The following ARID3A variants were observed in gnomAD, a reference collection of about 807,000 sequenced individuals.
ARID3A encodes AT-rich interaction domain 3A.
A neutral mutation model predicts 52.7 loss-of-function variants in ARID3A; 11 were observed. The ratio of observed to expected loss-of-function variants is 0.21; its 90% CI spans 0.13 to 0.35. The LOEUF is 0.35. Ranked by LOEUF, ARID3A falls within the 10% of genes least tolerant of loss-of-function variation. The probability of loss-of-function intolerance (pLI) is 1.00; values close to 1 mark genes in which losing one functional copy is unlikely to be tolerated. For missense variants in ARID3A, 721 were observed against 838.5 expected, an observed-to-expected ratio of 0.86 and a Z score of 1.73; for synonymous variants, 404 against 359.4, an observed-to-expected ratio of 1.12 and a Z score of -1.40.
At chr19:970,715 T>G (rs2038261233) in intron 8 of ARID3A, among the ~76,000 whole-genome samples, 1 of 151,936 alleles carries the variant, frequency 6.6e-6, no homozygotes, top group Admixed American at 6.6e-5. Flanking sequence ...CTTCGTGATC[T>G]GCTGGTCTTG....
chr19:946,301 A>G (rs1219518420), intron 3 of ARID3A, among the ~76,000 whole-genome samples: 2 of 151,746 alleles, frequency 1.3e-5, no homozygotes, highest in African/African-American at 4.8e-5. Context: ...TTGCTTTGTC[A>G]CCCAGGCTGG....
chr19:966,912 C>T, intron 7 of ARID3A, 44 bp downstream of exon 7: 1 of 1,555,320 alleles, frequency 6.4e-7, no homozygotes, highest in Non-Finnish European at 8.7e-7. Flanking sequence ...CTGCGTGTGT[C>T]ACACAGTGAG....
chr19:928,911 A>G (rs534540969), intron 1 of ARID3A: 8 of 152,294 alleles, frequency 5.3e-5, no homozygotes, highest in Non-Finnish European at 1.0e-4. Context: ...GGACTCAGGC[A>G]GCGACTGGAA....
rs766905454 is a variant in ARID3A at position 971,934 on chromosome 19, GGC to G, written c.1653_1654del (p.Gly552ArgfsTer38). ...PTPTSAPNKGGGGGGGSSSNA... is the reference protein window; with the variant it reads ...PTPTSAPNKGXGGGGGSSSNA... ...GCCAACCTCTGCTCCCAACAAAGGA[GGC>G]GGCGGCGGCGGCGGCAGCAGCAGCA... On this transcript the variant is annotated frameshift_variant, in exon 9 of 9. Transcript: ENST00000263620. LOFTEE classifies it low-confidence loss of function (END_TRUNC). 282 of 1,396,338 alleles carry G rather than the reference GGC, an allele frequency of 2.0e-4. 19 individuals are homozygous for G. The highest frequency in any genetic ancestry group is 1.1e-3 in the Admixed American group (60 of 55,280). The allele number at this position is 1,396,338 out of a possible 1,614,324, so 86.5% of individuals were successfully genotyped here.
rs371995908 is a variant in ARID3A, at chr19:948,118, G to A, written c.694-11974G>A. Among the ~76,000 whole-genome samples, 573 of 152,080 alleles carry A rather than the reference G, an allele frequency of 3.8e-3. 6 individuals carry two copies. The highest frequency in any genetic ancestry group is 0.013 in the African/African-American group (557 of 41,472). On this transcript the variant is annotated intron_variant, in intron 3 of 8. Coordinates refer to ENST00000263620, the MANE Select transcript of ARID3A (RefSeq NM_005224.3). ...CCCGACCCATCAGTCCAGGTCGGTC[G>A]GGGCCGCCTGTCCCCTGGTGTTTCC...
intron 3 of ARID3A, among the ~76,000 whole-genome samples, chr19:951,388 C>T (rs2037800472): frequency 2.0e-5 from 3 of 151,938 alleles, no homozygotes; most frequent in African/African-American, 7.2e-5. Flanking sequence ...GAAACCCCAT[C>T]TCTACTAAAA....
chr19:946,478 T>A (rs2037684019), intron 3 of ARID3A, among the ~76,000 whole-genome samples: 1 of 145,600 alleles, frequency 6.9e-6, no homozygotes, highest in African/African-American at 2.6e-5. Flanking sequence ...AGTCTCACTG[T>A]CTCCCAGGCT....
chr19:929,674 C>T lies in ARID3A; in HGVS notation c.146C>T (p.Pro49Leu). 6.4e-7 allele frequency: 1 copy of T among 1,554,844 alleles called. No homozygotes were observed. The highest frequency in any genetic ancestry group is 8.6e-7 in the Non-Finnish European group (1 of 1,158,500). Residue 49 changes from proline (P) to leucine (L), a missense_variant, in exon 2 of 9, where the codon CCC becomes CTC. Pro to Leu is a moderately conservative substitution (Grantham distance 98). Around this residue, in one of 5 missense-constraint regions of ARID3A, gnomAD observed 349 missense variants for 297.3 expected, o/e 1.17. Coordinates refer to ENST00000263620, the MANE Select transcript of ARID3A (RefSeq NM_005224.3). This position sits in a 1 kb window ranked among gnomAD's most constrained non-coding sequence, Gnocchi z 6.2. Reference sequence around the variant, plus strand: ...GCTGCCCCCGACGAGGACAGAGAGCCCGAGAGTGCCCGGATGCAGCGGGCT... The same window carrying T: ...GCTGCCCCCGACGAGGACAGAGAGCTCGAGAGTGCCCGGATGCAGCGGGCT... The part of the protein sequence containing the change: ...ARAAPDEDRE[P>L]ESARMQRAQM...
At chr19:955,633 CA>C (rs1017271422) in intron 3 of ARID3A, among the ~76,000 whole-genome samples, 3 of 152,160 alleles carry the variant, frequency 2.0e-5, no homozygotes, top group African/African-American at 7.2e-5. Flanking sequence ...TGTGTTTTCT[CA>C]CACACTCTAT....
Position 973,104 on chromosome 19 carries a change from A to ATCTTTTTTTTTT in ARID3A, c.*1040_*1041insCTTTTTTTTTTT, listed in dbSNP as rs775338115. On this transcript the variant is annotated 3_prime_UTR_variant, in exon 9 of 9. Transcript: ENST00000263620. The stretch of plus-strand genomic sequence containing the variant: ...GGGCTCTCGAGTCAGGGGCCTGGAA[A>ATCTTTTTTTTTT]TTTTTTTTTTTTTTTTTTTTTGAGA... 0.033 allele frequency: 1,779 copies of ATCTTTTTTTTTT among 53,628 alleles called. 198 individuals carry two copies. The highest frequency in any genetic ancestry group is 0.072 in the African/African-American group (1,019 of 14,228). 3.3% of individuals were successfully genotyped at this position (53,628 alleles called of 1,614,324 possible).
At chr19:948,103 C>T (rs1483361858) in intron 3 of ARID3A, among the ~76,000 whole-genome samples, 1 of 152,078 alleles carries the variant, frequency 6.6e-6, no homozygotes, top group African/African-American at 2.4e-5. Context: ...CCCGACCCAT[C>T]AGTCCAGGTC....
Position 972,229 on chromosome 19 carries a change from A to C in ARID3A, c.*164A>C. 4.6e-6 allele frequency: 1 copy of C among 215,690 alleles called. No homozygotes were observed. Among genetic ancestry groups the C allele is most frequent in the Non-Finnish European group, 9.2e-6 (1 of 108,820 alleles). The allele number at this position is 215,690 out of a possible 1,614,324, so 13.4% of individuals were successfully genotyped here. A position where few individuals can be genotyped will look rare whatever the true frequency, so the allele number is the denominator to read the frequency against. ...CAAAAAGAAAAGAAAAAAGATATAT[A>C]TATATATATATATATATACACGTAT... On this transcript the variant is annotated 3_prime_UTR_variant, in exon 9 of 9. Transcript: ENST00000263620.
chr19:956,678 G>C (rs1406438940), intron 3 of ARID3A: 1 of 152,536 alleles, frequency 6.6e-6, no homozygotes, highest in Non-Finnish European at 1.5e-5. Context: ...CGGAGACAAA[G>C]ACCAGGCAGC....
Position 941,433 on chromosome 19 carries a change from C to T in ARID3A, c.693+8691C>T, listed in dbSNP as rs1017405331. On this transcript the variant is annotated intron_variant, in intron 3 of 8. Coordinates refer to ENST00000263620, the MANE Select transcript of ARID3A (RefSeq NM_005224.3). The surrounding 1 kb of genome is among the most constrained non-coding windows in gnomAD (Gnocchi z 6.9). ...TGTGCACCCAGCCAGCGGCACCTCA[C>T]GCGCCCGCCTGCGTGTCCCCAGCCA... Among the ~76,000 whole-genome samples, 1 of 152,134 alleles carries T rather than the reference C, an allele frequency of 6.6e-6. No individual in the cohort carries two copies. The highest frequency in any genetic ancestry group is 2.4e-5 in the African/African-American group (1 of 41,446).
At chr19:949,933 A>T (rs1369576127) in intron 3 of ARID3A, among the ~76,000 whole-genome samples, 2 of 152,132 alleles carry the variant, frequency 1.3e-5, no homozygotes, top group African/African-American at 4.8e-5. Flanking sequence ...GGCCTCCCAA[A>T]GTGCTGGGAT....
In ARID3A at chr19:941,779, C is replaced by CTG. The variant is rs34643064; in HGVS notation, c.693+9065_693+9066dup. 0.12 allele frequency among the ~76,000 whole-genome samples: 16,963 copies of CTG among 146,138 alleles called. 1,075 individuals carry two copies. The highest frequency in any genetic ancestry group is 0.18 in the East Asian group (896 of 4,888). On this transcript the variant is annotated intron_variant, in intron 3 of 8. Coordinates refer to ENST00000263620, the MANE Select transcript of ARID3A (RefSeq NM_005224.3). This position sits in a 1 kb window ranked among gnomAD's most constrained non-coding sequence, Gnocchi z 6.9. Reference sequence around the variant, plus strand: ...TCTCTTGTGTTTTGTGTGGATGTGGCTGTGTGTGTGTGTGTGTGTGTGTGT... The same window carrying CTG: ...TCTCTTGTGTTTTGTGTGGATGTGGCTGTGTGTGTGTGTGTGTGTGTGTGTGT...
intron 3 of ARID3A, among the ~76,000 whole-genome samples, chr19:935,772 G>A (rs2037426342): frequency 6.6e-6 from 1 of 151,800 alleles, no homozygotes; most frequent in Non-Finnish European, 1.5e-5. Flanking sequence ...CCCCACCATG[G>A]TAGGATTTTA....
At chr19:950,885 C>T (rs947176949) in intron 3 of ARID3A, among the ~76,000 whole-genome samples, 7 of 152,020 alleles carry the variant, frequency 4.6e-5, no homozygotes, top group African/African-American at 7.2e-5. Flanking sequence ...TGCAATGGCA[C>T]GATCTCAGCT....
chr19:937,306 G>A (rs748979989), intron 3 of ARID3A, among the ~76,000 whole-genome samples: 4 of 152,160 alleles, frequency 2.6e-5, no homozygotes, highest in Non-Finnish European at 4.4e-5. Flanking sequence ...CACACACTGC[G>A]TGGCCTTTTG....
Sources: allele counts gnomAD v4.1 joint callset (sites outside exome capture counted in the v4.1 genomes callset), GRCh38; gene constraint gnomAD v4.1.1; regional missense constraint gnomAD v4.1.1; non-coding constraint Gnocchi (gnomAD v3.1); transcripts MANE v1.5; gene names NCBI Gene and HGNC (gene_info 2026-07-23, HGNC 2026-07-21).